The following FAM174B variants were observed in gnomAD, a reference collection of about 807,000 sequenced individuals.
FAM174B encodes family with sequence similarity 174 member B.
A neutral mutation model predicts 10.9 loss-of-function variants in FAM174B; 12 were observed. That is an observed-to-expected ratio of 1.10 (90% CI 0.71 to 1.79). The LOEUF is 1.79. FAM174B is among the 40% of genes most tolerant of loss of function. The pLI is 0.00. For synonymous variants in FAM174B, 132 were observed against 115.8 expected (o/e 1.14, Z -0.90); for missense variants, 266 against 233.3 (o/e 1.14, Z -0.91).
intron 1 of FAM174B, among the ~76,000 whole-genome samples, chr15:92,640,403 T>C (rs573989776): frequency 6.6e-6 from 1 of 151,660 alleles, no homozygotes; most frequent in Non-Finnish European, 1.5e-5. Flanking sequence ...AATACAAAAA[T>C]TAGCCGGGCA....
At chr15:92,620,240 G>GGTA (rs1216189546) in intron 2 of FAM174B, among the ~76,000 whole-genome samples, 4 of 152,170 alleles carry the variant, frequency 2.6e-5, no homozygotes, top group Non-Finnish European at 5.9e-5. Context: ...GGCCAGGCAC[G>GGTA]GTAATCCCAG....
intron 1 of FAM174B, chr15:92,645,581 G>C (rs1408326334): frequency 1.3e-5 from 2 of 152,296 alleles, no homozygotes; most frequent in Admixed American, 6.5e-5. Flanking sequence ...TGTTCCTCCA[G>C]CTCTCGGGTG....
chr15:92,619,599 G>A, intron 2 of FAM174B, 140 bp from the exon 3 acceptor site: 3 of 967,772 alleles, frequency 3.1e-6, no homozygotes, highest in Middle Eastern at 3.4e-4. Context: ...CTTTGAGCGT[G>A]CTGTCTGGAA....
chr15:92,622,189 C>T (rs1002533678), intron 2 of FAM174B, among the ~76,000 whole-genome samples: 5 of 152,248 alleles, frequency 3.3e-5, no homozygotes, highest in Non-Finnish European at 7.3e-5. Flanking sequence ...GATCCCCTAC[C>T]AGGCTCTCTG....
intron 2 of FAM174B, among the ~76,000 whole-genome samples, chr15:92,620,269 C>A (rs112795405): frequency 6.6e-6 from 1 of 152,150 alleles, no homozygotes; most frequent in East Asian, 1.9e-4. Context: ...GAGGCCGAGG[C>A]GGATGGATCA....
chr15:92,653,622 A>C (rs1048810307), intron 1 of FAM174B, among the ~76,000 whole-genome samples: 3 of 152,256 alleles, frequency 2.0e-5, no homozygotes, highest in Non-Finnish European at 2.9e-5. Context: ...CCAGCATGGC[A>C]TGGTTGGACT....
rs146995182 is a variant in FAM174B, at chr15:92,649,586, T to C, written c.344+5730A>G. On this transcript the variant is annotated intron_variant, in intron 1 of 2. Coordinates refer to ENST00000327355, the MANE Select transcript of FAM174B (RefSeq NM_207446.3). Reference sequence around the variant, plus strand: ...ACACAATCTCATTCTAAACCTGCAATAGCCCTTGGAAGCATGTACTCTAAT... The same window carrying C: ...ACACAATCTCATTCTAAACCTGCAACAGCCCTTGGAAGCATGTACTCTAAT... 4.8e-3 allele frequency among the ~76,000 whole-genome samples: 727 copies of C among 152,310 alleles called. 2 individuals carry two copies. The highest frequency in any genetic ancestry group is 0.016 in the African/African-American group (673 of 41,568).
chr15:92,644,891 A>C (rs1162398178), intron 1 of FAM174B, among the ~76,000 whole-genome samples: 1 of 152,242 alleles, frequency 6.6e-6, no homozygotes, highest in Non-Finnish European at 1.5e-5. Flanking sequence ...CCCACCTGTC[A>C]AAAGAAGGAG....
intron 1 of FAM174B, among the ~76,000 whole-genome samples, chr15:92,654,599 C>G (rs1410543903): frequency 6.6e-6 from 1 of 152,092 alleles, no homozygotes; most frequent in Non-Finnish European, 1.5e-5. Flanking sequence ...GAATGTTCAT[C>G]TAGCGCAACT....
intron 1 of FAM174B, among the ~76,000 whole-genome samples, chr15:92,639,906 G>C (rs994279812): frequency 6.6e-6 from 1 of 152,048 alleles, no homozygotes; most frequent in Non-Finnish European, 1.5e-5. Context: ...CCAATACCCA[G>C]TCTCAGGTAT....
chr15:92,631,427 A>AATATATTATATATT lies in FAM174B; in HGVS notation c.345-1083_345-1082insAATATATAATATAT, dbSNP rs1555421169. 4.4e-4 allele frequency among the ~76,000 whole-genome samples: 20 copies of AATATATTATATATT among 45,352 alleles called. 3 individuals carry two copies. The highest frequency in any genetic ancestry group is 2.4e-3 in the African/African-American group (20 of 8,420). 29.8% of individuals were successfully genotyped at this position (45,352 alleles called of 152,430 possible). The stretch of plus-strand genomic sequence containing the variant: ...ATATTATATATAATATATAATATAT[A>AATATATTATATATT]ATATAATATATTATATATATAACAT... On this transcript the variant is annotated intron_variant, in intron 1 of 2. Coordinates refer to ENST00000327355, the MANE Select transcript of FAM174B (RefSeq NM_207446.3).
At chr15:92,634,386 C>G (rs1219537675) in intron 1 of FAM174B, 1 of 152,238 alleles carries the variant, frequency 6.6e-6, no homozygotes, top group Non-Finnish European at 1.5e-5. Flanking sequence ...GAGAAAGCTC[C>G]GGAGGCTCTG....
rs1311454194 is a variant in FAM174B, at chr15:92,655,312, C to G, written c.344+4G>C. On this transcript the variant is annotated splice_donor_region_variant and intron_variant, in intron 1 of 2. Coordinates refer to ENST00000327355, the MANE Select transcript of FAM174B (RefSeq NM_207446.3). ...GGGGGAAGGAAGAGGGCGGGAGGGC[C>G]CACCTGAAGACGCGCAGCAGCAGGC... The G allele has an allele frequency of 6.4e-7, 1 of 1,556,294 alleles. No homozygotes were observed. The highest frequency in any genetic ancestry group is 8.7e-7 in the Non-Finnish European group (1 of 1,150,598).
Position 92,638,114 on chromosome 15 carries a change from C to A in FAM174B, c.345-7769G>T, listed in dbSNP as rs199835262. 3.3e-5 allele frequency among the ~76,000 whole-genome samples: 5 copies of A among 152,286 alleles called. No homozygotes were observed. In the East Asian group the frequency reaches 9.7e-4, roughly 29 times the overall value. Reference sequence around the variant, plus strand: ...CCCATCTTCCACAGCAGGAATCTTTCTTTTCTGAGATAGGCTACTGTTAAC... The same window carrying A: ...CCCATCTTCCACAGCAGGAATCTTTATTTTCTGAGATAGGCTACTGTTAAC... On this transcript the variant is annotated intron_variant, in intron 1 of 2. Coordinates refer to ENST00000327355, the MANE Select transcript of FAM174B (RefSeq NM_207446.3).
Position 92,619,364 on chromosome 15 carries a change from C to T in FAM174B, c.*92G>A, listed in dbSNP as rs752795238. The T allele has an allele frequency of 2.3e-5, 35 of 1,506,576 alleles. No homozygotes were observed. Among genetic ancestry groups the T allele is most frequent in the Middle Eastern group, 1.7e-4 (1 of 5,908 alleles). 93.3% of individuals were successfully genotyped at this position (1,506,576 alleles called of 1,614,324 possible). ...ACGTTCGTTTTGGTTTCAACACCTC[C>T]GACGCAAGAGGGCTTCCAGGTCCAG... On this transcript the variant is annotated 3_prime_UTR_variant, in exon 3 of 3. Transcript: ENST00000327355.
intron 1 of FAM174B, among the ~76,000 whole-genome samples, chr15:92,643,077 A>G (rs1264526944): frequency 6.6e-6 from 1 of 152,148 alleles, no homozygotes; most frequent in Non-Finnish European, 1.5e-5. Context: ...AATTGATTTC[A>G]GTGATAGATG....
In FAM174B at chr15:92,631,405, TTA is replaced by T. The variant is rs1244197355; in HGVS notation, c.345-1062_345-1061del. On this transcript the variant is annotated intron_variant, in intron 1 of 2. Transcript: ENST00000327355. ...ATTATATATTATATATTATATTATA[TTA>T]TATATAATATATAATATATAATATA... 8.4e-5 allele frequency among the ~76,000 whole-genome samples: 4 copies of T among 47,870 alleles called. 1 individual carries two copies. The highest frequency in any genetic ancestry group is 4.7e-4 in the South Asian group (1 of 2,140). 31.4% of individuals were successfully genotyped at this position (47,870 alleles called of 152,430 possible). A position where few individuals can be genotyped will look rare whatever the true frequency, so the allele number is the denominator to read the frequency against.
chr15:92,623,261 G>A (rs551538226), intron 2 of FAM174B, among the ~76,000 whole-genome samples: 1 of 152,258 alleles, frequency 6.6e-6, no homozygotes, highest in Non-Finnish European at 1.5e-5. Flanking sequence ...TCATGGTGAA[G>A]AGAATTATCA....
intron 1 of FAM174B, among the ~76,000 whole-genome samples, chr15:92,632,027 A>G (rs572782741): frequency 1.4e-4 from 22 of 152,286 alleles, no homozygotes; most frequent in African/African-American, 5.3e-4. Flanking sequence ...GTGAGGGAAA[A>G]TTGCATGAGA....
Sources: gnomAD v4.1 joint callset for allele counts (sites outside exome capture counted in the v4.1 genomes callset) on GRCh38, gnomAD v4.1.1 for gene constraint, MANE v1.5 for transcripts, NCBI Gene and HGNC (gene_info 2026-07-23, HGNC 2026-07-21) for gene names.